Variants in PARD3B observed in about 807,000 individuals in gnomAD.
The protein encoded by PARD3B is partitioning defective 3 homolog B.
A neutral mutation model predicts 130.2 loss-of-function variants in PARD3B; 103 were observed. That is an observed-to-expected ratio of 0.79 (90% CI 0.67 to 0.93). PARD3B has a LOEUF of 0.93. Among genes scored for constraint, PARD3B ranks in the 40% least tolerant of loss-of-function variants. PARD3B has a pLI of 0.00. For missense variants in PARD3B, 1,609 were observed against 1,499.2 expected, an observed-to-expected ratio of 1.07 and a Z score of -1.21; for synonymous variants, 583 against 553.2, an observed-to-expected ratio of 1.05 and a Z score of -0.76.
chr2:204,883,702 C>G (rs2046163853), intron 2 of PARD3B, among the ~76,000 whole-genome samples: 1 of 151,580 alleles, frequency 6.6e-6, no homozygotes, highest in Non-Finnish European at 1.5e-5. Context: ...CCTTGGCCTC[C>G]CAAAGTGCTG....
chr2:204,870,192 C>T (rs968304751), intron 2 of PARD3B, among the ~76,000 whole-genome samples: 2 of 152,144 alleles, frequency 1.3e-5, no homozygotes, highest in Admixed American at 6.6e-5. Flanking sequence ...TAGAGAAAGT[C>T]CCCTTAGATT....
At chr2:205,285,803 T>G (rs1371082786) in intron 16 of PARD3B, among the ~76,000 whole-genome samples, 1 of 152,160 alleles carries the variant, frequency 6.6e-6, no homozygotes, top group Non-Finnish European at 1.5e-5. Flanking sequence ...GCTTTTGAGT[T>G]TTGCATTTTG....
At chr2:205,445,716 G>A (rs1363282591) in intron 20 of PARD3B, among the ~76,000 whole-genome samples, 1 of 152,124 alleles carries the variant, frequency 6.6e-6, no homozygotes, top group Non-Finnish European at 1.5e-5. Flanking sequence ...TTAGTACCTG[G>A]ATAAGTAAAG....
At chr2:205,239,947 T>A (rs2039278136) in intron 15 of PARD3B, among the ~76,000 whole-genome samples, 1 of 152,068 alleles carries the variant, frequency 6.6e-6, no homozygotes, top group Non-Finnish European at 1.5e-5. Flanking sequence ...TGTGTGTGGG[T>A]GTGGGTGTGT....
In PARD3B at chr2:205,558,200, G is replaced by A. The variant is rs2052977271; in HGVS notation, c.3260+4797G>A. ...ACTTGGCTCTAGGCAAGAGGCCAGGGCTCCTGTCCAGCAAGACTTGGGTGC... is the reference window on the plus strand; with the variant it reads ...ACTTGGCTCTAGGCAAGAGGCCAGGACTCCTGTCCAGCAAGACTTGGGTGC... On this transcript the variant is annotated intron_variant, in intron 22 of 22. Transcript: ENST00000406610. This position sits in a 1 kb window ranked among gnomAD's most constrained non-coding sequence, Gnocchi z 4.8. 2.0e-5 allele frequency among the ~76,000 whole-genome samples: 3 copies of A among 152,158 alleles called. No individual in the cohort carries two copies. Among genetic ancestry groups the A allele is most frequent in the African/African-American group, 7.2e-5 (3 of 41,434 alleles).
intron 3 of PARD3B, among the ~76,000 whole-genome samples, chr2:204,983,749 T>C (rs1692887049): frequency 6.6e-6 from 1 of 152,212 alleles, no homozygotes; most frequent in Admixed American, 6.5e-5. Context: ...GGATCAGAAG[T>C]TGTAACCAAG....
chr2:205,504,788 G>A (rs1404545517), intron 21 of PARD3B, among the ~76,000 whole-genome samples: 1 of 152,196 alleles, frequency 6.6e-6, no homozygotes, highest in African/African-American at 2.4e-5. Context: ...TTACACTGTT[G>A]GTGGGACTGT....
chr2:205,054,897 T>C (rs1242070404), intron 4 of PARD3B, among the ~76,000 whole-genome samples: 2 of 152,166 alleles, frequency 1.3e-5, no homozygotes, highest in African/African-American at 4.8e-5. Context: ...TGAGTGGTTT[T>C]TTTTCCCTTT....
At chr2:204,833,320 G>A (rs1476294519) in intron 2 of PARD3B, among the ~76,000 whole-genome samples, 1 of 152,108 alleles carries the variant, frequency 6.6e-6, no homozygotes, top group Non-Finnish European at 1.5e-5. Flanking sequence ...AAGGTAAAGA[G>A]ACATTAAAGA....
At chr2:205,046,939 T>A (rs550607659) in intron 3 of PARD3B, among the ~76,000 whole-genome samples, 4 of 152,182 alleles carry the variant, frequency 2.6e-5, no homozygotes, top group African/African-American at 4.8e-5. Flanking sequence ...ATTTAATAAC[T>A]GACTCAAATA....
At chr2:204,608,685 C>T (rs2033818655) in intron 1 of PARD3B, among the ~76,000 whole-genome samples, 1 of 152,204 alleles carries the variant, frequency 6.6e-6, no homozygotes, top group Non-Finnish European at 1.5e-5. Flanking sequence ...ATTACCCAGA[C>T]AGTAGATTAT....
At chr2:205,189,191 T>C (rs1004233948) in intron 14 of PARD3B, among the ~76,000 whole-genome samples, 1 of 152,188 alleles carries the variant, frequency 6.6e-6, no homozygotes, top group African/African-American at 2.4e-5. Context: ...TACCTGAAAC[T>C]ACTCTCACTC....
At chr2:205,266,048 C>G (rs762188527) in intron 16 of PARD3B, among the ~76,000 whole-genome samples, 2 of 151,998 alleles carry the variant, frequency 1.3e-5, no homozygotes, top group Non-Finnish European at 2.9e-5. Context: ...ATTATATCAC[C>G]AAATCCTTGA....
At position 204,545,754 on chromosome 2, in the gene PARD3B, G is replaced by T; in HGVS notation, c.-246G>T. 1 of 385,082 alleles carries T rather than the reference G, an allele frequency of 2.6e-6. No individual in the cohort carries two copies. Among genetic ancestry groups the T allele is most frequent in the Non-Finnish European group, 4.6e-6 (1 of 217,252 alleles). The allele number at this position is 385,082 out of a possible 1,614,324, so 23.9% of individuals were successfully genotyped here. ...GGAGCCGGTGCCGCGGAGCTGCCGC[G>T]TCCCGGGCCGCCGGGCACCTGGGAG... On this transcript the variant is annotated 5_prime_UTR_variant, in exon 1 of 23. Coordinates refer to ENST00000406610, the MANE Select transcript of PARD3B (RefSeq NM_001302769.2).
intron 18 of PARD3B, among the ~76,000 whole-genome samples, chr2:205,308,199 C>T (rs2042248741): frequency 6.6e-6 from 1 of 152,094 alleles, no homozygotes; most frequent in Non-Finnish European, 1.5e-5. Flanking sequence ...TTGTATCAGG[C>T]ACTGTTCTAG....
rs114197209 is a variant in PARD3B at position 204,799,512 on chromosome 2, C to T, written c.222+113230C>T. On this transcript the variant is annotated intron_variant, in intron 2 of 22. Transcript: ENST00000406610. The surrounding 1 kb of genome is among the most constrained non-coding windows in gnomAD (Gnocchi z 4.1). ...TCTGCTCACTGAAGAGCCCTTGGGC[C>T]GTGAGTGAACATTCACAGCCAGACA... is the stretch of plus-strand genomic sequence containing the variant. Among the ~76,000 whole-genome samples the T allele has an allele frequency of 7.6e-4, 116 of 152,260 alleles. No individual in the cohort carries two copies. The highest frequency in any genetic ancestry group is 1.2e-3 in the Non-Finnish European group (79 of 68,030).
chr2:205,143,791 A>C (rs573335335), intron 10 of PARD3B, among the ~76,000 whole-genome samples: 1 of 152,302 alleles, frequency 6.6e-6, no homozygotes, highest in East Asian at 1.9e-4. Flanking sequence ...GTATTTCCCT[A>C]CTTCAGGAAA....
intron 15 of PARD3B, among the ~76,000 whole-genome samples, chr2:205,200,431 TAAAGTC>T (rs1484796151): frequency 1.3e-5 from 2 of 152,158 alleles, no homozygotes; most frequent in Non-Finnish European, 2.9e-5. Context: ...ATTTTTTCCT[TAAAGTC>T]AAAGAAGAGT....
rs1464712668 is a variant in PARD3B, at chr2:205,562,871, G to A, written c.3260+9468G>A. 6.6e-6 allele frequency among the ~76,000 whole-genome samples: 1 copy of A among 152,152 alleles called. No individual in the cohort carries two copies. The highest frequency in any genetic ancestry group is 1.5e-5 in the Non-Finnish European group (1 of 68,030). On this transcript the variant is annotated intron_variant, in intron 22 of 22. Coordinates refer to ENST00000406610, the MANE Select transcript of PARD3B (RefSeq NM_001302769.2). The surrounding 1 kb of genome is among the most constrained non-coding windows in gnomAD (Gnocchi z 5.4). Reference sequence around the variant, plus strand: ...CTGTCTTCTCTGACTCCAGCCATTTGCACTGTCCCTTGATTCAAGTTCCTG... The same window carrying A: ...CTGTCTTCTCTGACTCCAGCCATTTACACTGTCCCTTGATTCAAGTTCCTG...
Sources: gnomAD v4.1 joint callset for allele counts (sites outside exome capture counted in the v4.1 genomes callset) on GRCh38, gnomAD v4.1.1 for gene constraint, Gnocchi (gnomAD v3.1) non-coding constraint, MANE v1.5 for transcripts, NCBI Gene and HGNC (gene_info 2026-07-23, HGNC 2026-07-21) for gene names.